ADGRL4: variants seen among roughly 807,000 people sequenced by gnomAD.
ADGRL4 encodes EGF, latrophilin and seven transmembrane domain containing 1.
A neutral mutation model predicts 74.8 loss-of-function variants in ADGRL4; 90 were observed. The observed-to-expected ratio is 1.20, with a 90% CI of 1.02 to 1.43. The LOEUF is 1.43. Ranked by LOEUF, ADGRL4 falls within the 40% of genes most tolerant of loss-of-function variation. ADGRL4 has a pLI of 0.00. For synonymous variants in ADGRL4, 311 were observed against 279.2 expected, an observed-to-expected ratio of 1.11 and a Z score of -1.14; for missense variants, 881 against 814.3, an observed-to-expected ratio of 1.08 and a Z score of -1.00.
chr1:78,944,875 A>G (rs1222052095), intron 3 of ADGRL4, among the ~76,000 whole-genome samples: 1 of 152,138 alleles, frequency 6.6e-6, no homozygotes, highest in Non-Finnish European at 1.5e-5. Context: ...GACATTTCAC[A>G]GATAAAATTT....
chr1:78,930,999 A>G (rs186520354), intron 7 of ADGRL4, among the ~76,000 whole-genome samples: 2 of 151,602 alleles, frequency 1.3e-5, no homozygotes, highest in East Asian at 1.9e-4. Flanking sequence ...AATACAAATT[A>G]TAAGAGAAAT....
intron 2 of ADGRL4, among the ~76,000 whole-genome samples, chr1:78,966,031 C>A (rs567766997): frequency 2.0e-4 from 30 of 151,086 alleles, no homozygotes; most frequent in African/African-American, 7.0e-4. Flanking sequence ...AAAACCAAAG[C>A]TGTTTGAAAT....
At position 78,928,773 on chromosome 1, in the gene ADGRL4, C is replaced by G. The variant is rs548133518; in HGVS notation, c.878-1682G>C. 2.6e-5 allele frequency among the ~76,000 whole-genome samples: 4 copies of G among 151,484 alleles called. No homozygotes were observed. The South Asian group carries it at 8.3e-4, about 31-fold the overall frequency. ...ATTCAGTAGGTCTTCTTCCTTATTC[C>G]TATTTTGTTTTGTTGCTTCCAATTC... On this transcript the variant is annotated intron_variant, in intron 7 of 14. Coordinates refer to ENST00000370742, the MANE Select transcript of ADGRL4 (RefSeq NM_022159.4).
At chr1:78,947,322 A>G (rs1234418589) in intron 2 of ADGRL4, among the ~76,000 whole-genome samples, 1 of 152,218 alleles carries the variant, frequency 6.6e-6, no homozygotes, top group African/African-American at 2.4e-5. Context: ...AATGATTGAC[A>G]TCCTTATAAA....
Position 78,996,181 on chromosome 1 carries a change from T to C in ADGRL4, c.172+8889A>G, listed in dbSNP as rs1039859916. ...GAACTGAAGGGATTGACAGAAACTT[T>C]CTTGCAGTGGTCACTTGCCTTTCTG... On this transcript the variant is annotated intron_variant, in intron 2 of 14. Transcript: ENST00000370742. Among the ~76,000 whole-genome samples, 3 of 152,300 alleles carry C rather than the reference T, an allele frequency of 2.0e-5. No homozygotes were observed. In the East Asian group the frequency reaches 5.8e-4, roughly 29 times the overall value.
At chr1:78,998,700 T>A (rs2100740894) in intron 2 of ADGRL4, among the ~76,000 whole-genome samples, 1 of 152,254 alleles carries the variant, frequency 6.6e-6, no homozygotes, top group East Asian at 1.9e-4. Context: ...TATATATGAT[T>A]GTTTTGATAA....
intron 2 of ADGRL4, among the ~76,000 whole-genome samples, chr1:78,974,621 T>TA (rs564418954): frequency 6.6e-6 from 1 of 152,182 alleles, no homozygotes; most frequent in Admixed American, 6.6e-5. Flanking sequence ...TACACTGGGC[T>TA]AAAATGTGTC....
At chr1:79,001,919 GT>G (rs1177546553) in intron 2 of ADGRL4, among the ~76,000 whole-genome samples, 2 of 151,870 alleles carry the variant, frequency 1.3e-5, no homozygotes, top group Non-Finnish European at 2.9e-5. Context: ...TTTAATTATT[GT>G]TTTTCTGCTT....
chr1:78,898,132 A>G (rs1648436591), intron 12 of ADGRL4, among the ~76,000 whole-genome samples: 1 of 152,174 alleles, frequency 6.6e-6, no homozygotes, highest in Non-Finnish European at 1.5e-5. Context: ...ATAAAGAATT[A>G]GAAAGCATTT....
intron 2 of ADGRL4, among the ~76,000 whole-genome samples, chr1:78,997,330 C>A (rs1306372342): frequency 6.6e-6 from 1 of 152,144 alleles, no homozygotes; most frequent in Non-Finnish European, 1.5e-5. Flanking sequence ...CGCAACCACC[C>A]TTGCAAGACA....
chr1:78,920,991 A>T (rs1368151508), intron 9 of ADGRL4, among the ~76,000 whole-genome samples: 1 of 151,838 alleles, frequency 6.6e-6, no homozygotes, highest in Non-Finnish European at 1.5e-5. Context: ...TTATTTGGTT[A>T]CTTTATATAT....
Position 78,891,613 on chromosome 1 carries a change from C to T in ADGRL4, c.1921G>A (p.Ala641Thr), listed in dbSNP as rs1244238734. ...WIFGVLHVVHASVVTAYLFTV... is the reference protein window; with the variant it reads ...WIFGVLHVVHTSVVTAYLFTV... Reference sequence around the variant, plus strand: ...AAGAGGTAAGCTGTAACCACTGATGCGTGCACAACATGGAGAACCCCAAAG... The same window carrying T: ...AAGAGGTAAGCTGTAACCACTGATGTGTGCACAACATGGAGAACCCCAAAG... The change falls in exon 14 of 15, where the codon GCA (alanine) becomes ACA (threonine). Residue 641 changes from alanine to threonine, a missense_variant. Ala to Thr is a moderately conservative substitution (Grantham distance 58, BLOSUM62 0). Coordinates refer to ENST00000370742, the MANE Select transcript of ADGRL4 (RefSeq NM_022159.4). The T allele has an allele frequency of 4.3e-6, 7 of 1,613,358 alleles. No individual in the cohort carries two copies. Among genetic ancestry groups the T allele is most frequent in the African/African-American group, 1.3e-5 (1 of 74,980 alleles).
At chr1:78,923,936 A>G (rs1391549501) in intron 8 of ADGRL4, among the ~76,000 whole-genome samples, 1 of 151,898 alleles carries the variant, frequency 6.6e-6, no homozygotes, top group Admixed American at 6.6e-5. Context: ...AAAATTCCCT[A>G]AAACTGAAGA....
chr1:78,892,940 TATAC>T (rs1648315613), intron 13 of ADGRL4, among the ~76,000 whole-genome samples, 154 bp downstream of exon 13: 1 of 151,722 alleles, frequency 6.6e-6, no homozygotes. Context: ...GTAGTCTTAA[TATAC>T]ATACTAAATG....
At chr1:78,947,661 CAGTT>C (rs1488902375) in intron 2 of ADGRL4, among the ~76,000 whole-genome samples, 2 of 151,772 alleles carry the variant, frequency 1.3e-5, no homozygotes, top group Non-Finnish European at 1.5e-5. Flanking sequence ...AGGTAAGTAT[CAGTT>C]AGAGAGAAAG....
intron 2 of ADGRL4, among the ~76,000 whole-genome samples, chr1:78,987,992 CTGCATT>C (rs1650532309): frequency 9.1e-6 from 1 of 109,742 alleles, no homozygotes; most frequent in Non-Finnish European, 2.1e-5. Flanking sequence ...AAAATAGCCA[CTGCATT>C]TTTTTTGTTT....
intron 2 of ADGRL4, among the ~76,000 whole-genome samples, chr1:78,958,101 T>G (rs983552772): frequency 2.6e-5 from 4 of 151,836 alleles, no homozygotes; most frequent in African/African-American, 9.7e-5. Flanking sequence ...AATAAAACAG[T>G]GGGCCTACTT....
chr1:78,939,486 T>C (rs915320495), intron 3 of ADGRL4, among the ~76,000 whole-genome samples: 1 of 152,070 alleles, frequency 6.6e-6, no homozygotes, highest in East Asian at 1.9e-4. Context: ...TCTACAATTT[T>C]GATTAAATTA....
intron 2 of ADGRL4, among the ~76,000 whole-genome samples, chr1:78,996,947 T>C (rs1650729161): frequency 6.6e-6 from 1 of 152,186 alleles, no homozygotes; most frequent in Non-Finnish European, 1.5e-5. Flanking sequence ...CAACAAAAGT[T>C]ACAAGTGAGT....
Sources: allele counts gnomAD v4.1 joint callset (sites outside exome capture counted in the v4.1 genomes callset), GRCh38; gene constraint gnomAD v4.1.1; transcripts MANE v1.5; gene names NCBI Gene and HGNC (gene_info 2026-07-23, HGNC 2026-07-21).